The following FGD5 variants were observed in gnomAD, a reference collection of about 807,000 sequenced individuals.
FGD5 encodes the protein FYVE, RhoGEF and PH domain containing 5.
In FGD5, 28 loss-of-function variants were observed where a neutral mutation model predicts 133.4. The ratio of observed to expected loss-of-function variants is 0.21; its 90% CI spans 0.16 to 0.29. The LOEUF (loss-of-function observed/expected upper bound fraction) is 0.29. Ranked by LOEUF, FGD5 falls within the 10% of genes least tolerant of loss-of-function variation. The pLI, the probability that FGD5 is intolerant of heterozygous loss-of-function variation, is 1.00. For missense variants in FGD5, 1,858 were observed against 1,895.2 expected, an observed-to-expected ratio of 0.98 and a Z score of 0.36; for synonymous variants, 810 against 776.5, an observed-to-expected ratio of 1.04 and a Z score of -0.72.
intron 1 of FGD5, among the ~76,000 whole-genome samples, chr3:14,855,061 G>A (rs553676577): frequency 1.2e-4 from 18 of 151,998 alleles, no homozygotes; most frequent in Admixed American, 3.9e-4. Flanking sequence ...CACTTTTTAC[G>A]TCTATGAGGT....
intron 4 of FGD5, among the ~76,000 whole-genome samples, chr3:14,888,492 T>A (rs145223374): frequency 2.4e-3 from 364 of 152,374 alleles, no homozygotes; most frequent in African/African-American, 8.3e-3. Context: ...GCGTATTTTC[T>A]AAGAACCTCC....
At chr3:14,815,170 C>G (rs1345220841), upstream of FGD5, among the ~76,000 whole-genome samples, 1 of 152,196 alleles carries the variant, frequency 6.6e-6, no homozygotes, top group East Asian at 1.9e-4. Context: ...AATCTGCACC[C>G]TCCTATGATT....
intron 1 of FGD5, among the ~76,000 whole-genome samples, chr3:14,835,586 G>A (rs996639273): frequency 2.0e-5 from 3 of 152,068 alleles, no homozygotes; most frequent in East Asian, 1.9e-4. Flanking sequence ...CGTAGCCGCC[G>A]CATACTTGTG....
In FGD5 at chr3:14,928,692, C is replaced by T. The variant is rs187445318; in HGVS notation, c.4197+2494C>T. ...CCCGGGAGGTAGAGGTTACAGTGGGCCAAGATCACACCATTGCACTCCAGC... is the reference window on the plus strand; with the variant it reads ...CCCGGGAGGTAGAGGTTACAGTGGGTCAAGATCACACCATTGCACTCCAGC... On this transcript the variant is annotated intron_variant, in intron 18 of 19. Transcript: ENST00000285046. 2.1e-3 allele frequency among the ~76,000 whole-genome samples: 319 copies of T among 152,190 alleles called. 1 individual carries two copies. Among genetic ancestry groups the T allele is most frequent in the African/African-American group, 7.3e-3 (304 of 41,524 alleles).
intron 1 of FGD5, among the ~76,000 whole-genome samples, chr3:14,857,605 A>G (rs1575212144): frequency 1.3e-5 from 2 of 152,310 alleles, no homozygotes; most frequent in South Asian, 4.1e-4. Context: ...GCAAGGAAAC[A>G]GATATGAAGT....
chr3:14,904,610 G>C (rs172414), intron 9 of FGD5, among the ~76,000 whole-genome samples: 1 of 151,988 alleles, frequency 6.6e-6, no homozygotes, highest in East Asian at 1.9e-4. Context: ...CTTAGAATCA[G>C]TCATTTCTCC....
At chr3:14,907,431 G>A (rs979008997) in intron 9 of FGD5, among the ~76,000 whole-genome samples, 2 of 152,184 alleles carry the variant, frequency 1.3e-5, no homozygotes, top group Non-Finnish European at 2.9e-5. Flanking sequence ...CCAGGCAGCC[G>A]GCTCCACAGC....
intron 1 of FGD5, among the ~76,000 whole-genome samples, chr3:14,852,268 T>TG (rs1167255698): frequency 2.6e-5 from 4 of 152,192 alleles, no homozygotes; most frequent in Admixed American, 2.0e-4. Flanking sequence ...TGAAAAAGAA[T>TG]GAAGAGCTGA....
intron 2 of FGD5, among the ~76,000 whole-genome samples, chr3:14,874,577 C>T (rs1260061537): frequency 6.6e-6 from 1 of 152,062 alleles, no homozygotes; most frequent in Non-Finnish European, 1.5e-5. Context: ...AGGTGGCAAG[C>T]TACTGTTCAA....
At chr3:14,829,424 A>G (rs2036665628) in intron 1 of FGD5, among the ~76,000 whole-genome samples, 1 of 152,030 alleles carries the variant, frequency 6.6e-6, no homozygotes, top group African/African-American at 2.4e-5. Flanking sequence ...TCGTGAAGAG[A>G]TGGTTGTAGT....
At chr3:14,822,938 A>G (rs1048867745) in intron 1 of FGD5, among the ~76,000 whole-genome samples, 5 of 152,186 alleles carry the variant, frequency 3.3e-5, no homozygotes, top group Non-Finnish European at 5.9e-5. Context: ...TCTCTTGAGT[A>G]TTTTGCATGG....
chr3:14,917,414 A>G lies in FGD5; in HGVS notation c.3489+82A>G. The G allele has an allele frequency of 7.7e-7, 1 of 1,301,822 alleles. No homozygotes were observed. Among genetic ancestry groups the G allele is most frequent in the Non-Finnish European group, 1.1e-6 (1 of 924,320 alleles). The allele number at this position is 1,301,822 out of a possible 1,614,324, so 80.6% of individuals were successfully genotyped here. ...AAGGGGACAGCATCCTGCTCCCAGGAGCACCCAGACCAGCTGGAAGAGGGA... is the reference window on the plus strand; with the variant it reads ...AAGGGGACAGCATCCTGCTCCCAGGGGCACCCAGACCAGCTGGAAGAGGGA... On this transcript the variant is annotated intron_variant, in intron 12 of 19. Transcript: ENST00000285046. This position sits in a 1 kb window ranked among gnomAD's most constrained non-coding sequence, Gnocchi z 4.1.
chr3:14,910,957 C>T lies in FGD5; in HGVS notation c.3405+28C>T, dbSNP rs767418335. The T allele has an allele frequency of 3.8e-6, 6 of 1,599,684 alleles. No homozygotes were observed. In the East Asian group the frequency reaches 1.4e-4, roughly 36 times the overall value. ...AAGTGCCCGGTCCCCAAGCCCAGCT[C>T]AGGAACTGCCAAGTTCTATGAGGTT... On this transcript the variant is annotated intron_variant, in intron 11 of 19. Coordinates refer to ENST00000285046, the MANE Select transcript of FGD5 (RefSeq NM_152536.4).
chr3:14,873,228 C>T (rs2037646116), intron 2 of FGD5, among the ~76,000 whole-genome samples: 1 of 152,102 alleles, frequency 6.6e-6, no homozygotes, highest in Non-Finnish European at 1.5e-5. Context: ...TCCCCTTGAT[C>T]AAGAGGGGGC....
intron 2 of FGD5, among the ~76,000 whole-genome samples, chr3:14,872,604 C>T (rs891023228): frequency 6.6e-6 from 1 of 152,180 alleles, no homozygotes; most frequent in Admixed American, 6.5e-5. Context: ...GCAGTGTGCA[C>T]GTGTGATAAG....
rs373113143 is a variant in FGD5, at chr3:14,924,096, G to A, written c.4026G>A (p.Ser1342=). 1.2e-5 allele frequency: 19 copies of A among 1,613,774 alleles called. No individual in the cohort carries two copies. The highest frequency in any genetic ancestry group is 4.5e-5 in the East Asian group (2 of 44,878). The part of the protein sequence containing the change: ...FSSVFQSINP[S]TFKKQKKVPS... Reference sequence around the variant, plus strand: ...CCGTCTTCCAGAGCATTAACCCCTCGACCTTCAAGAAGCAGAAGAAAGTCC... The same window carrying A: ...CCGTCTTCCAGAGCATTAACCCCTCAACCTTCAAGAAGCAGAAGAAAGTCC... Residue 1342 remains serine (S), a synonymous_variant, in exon 17 of 20, where the codon TCG becomes TCA. Transcript: ENST00000285046.
chr3:14,815,218 G>A (rs781690660), upstream of FGD5, among the ~76,000 whole-genome samples: 4 of 151,994 alleles, frequency 2.6e-5, no homozygotes, highest in East Asian at 1.9e-4. Flanking sequence ...CGATCACTCC[G>A]TCCCATCTGG....
At chr3:14,837,004 C>G (rs1209385681) in intron 1 of FGD5, among the ~76,000 whole-genome samples, 4 of 152,160 alleles carry the variant, frequency 2.6e-5, no homozygotes, top group Non-Finnish European at 5.9e-5. Context: ...TATAAGGGAC[C>G]TAGGGTGCAC....
chr3:14,932,632 A>G lies in FGD5; in HGVS notation c.4253A>G (p.Lys1418Arg), dbSNP rs1267611295. The part of the protein sequence containing the change: ...PLLGFTIAPE[K>R]EEGSSEVGPI... ...CTAGGCTTCACCATTGCTCCAGAAAAGGAAGAGGGCAGCAGTGAAGTAGGA... is the reference window on the plus strand; with the variant it reads ...CTAGGCTTCACCATTGCTCCAGAAAGGGAAGAGGGCAGCAGTGAAGTAGGA... The change falls in exon 19 of 20, where the codon AAG (lysine) becomes AGG (arginine). Residue 1418 changes from lysine to arginine, a missense_variant. By Grantham distance (26) the Lys-to-Arg change is conservative (BLOSUM62 2). Around this residue, in one of 3 missense-constraint regions of FGD5, gnomAD observed 1,824 missense variants for 1,848.9 expected, o/e 0.99. Transcript: ENST00000285046. The G allele has an allele frequency of 6.2e-7, 1 of 1,613,940 alleles. No homozygotes were observed. Among genetic ancestry groups the G allele is most frequent in the Non-Finnish European group, 8.5e-7 (1 of 1,179,880 alleles).
Sources: gnomAD v4.1 joint callset for allele counts (sites outside exome capture counted in the v4.1 genomes callset) on GRCh38, gnomAD v4.1.1 for gene constraint, gnomAD v4.1.1 regional missense constraint, Gnocchi (gnomAD v3.1) non-coding constraint, MANE v1.5 for transcripts, NCBI Gene and HGNC (gene_info 2026-07-23, HGNC 2026-07-21) for gene names.